CATSPER3: variants seen among roughly 807,000 people sequenced by gnomAD.
CATSPER3 encodes cation channel sperm-associated protein 3.
A neutral mutation model predicts 36.6 loss-of-function variants in CATSPER3; 23 were observed. The ratio of observed to expected loss-of-function variants is 0.63; its 90% CI spans 0.45 to 0.89. CATSPER3 has a LOEUF of 0.89. Among genes scored for constraint, CATSPER3 ranks in the 40% least tolerant of loss-of-function variants. CATSPER3 has a pLI of 0.00. For missense variants in CATSPER3, 474 were observed against 503.9 expected (o/e 0.94, Z 0.57); for synonymous variants, 172 against 184.1 (o/e 0.93, Z 0.53).
chr5:134,978,670 C>T (rs1297221028), intron 2 of CATSPER3, among the ~76,000 whole-genome samples: 1 of 151,590 alleles, frequency 6.6e-6, no homozygotes, highest in African/African-American at 2.4e-5. Flanking sequence ...AGAAATAAAA[C>T]TGTCTTTGTT....
At chr5:135,011,427 C>A in intron 7 of CATSPER3, 94 bp from the exon 8 acceptor site, 2 of 842,130 alleles carry the variant, frequency 2.4e-6, no homozygotes, top group Non-Finnish European at 4.0e-6. Flanking sequence ...TGACCCTACA[C>A]CTGTGCAGGT....
At chr5:134,991,817 C>A (rs1244319956) in intron 2 of CATSPER3, among the ~76,000 whole-genome samples, 1 of 152,104 alleles carries the variant, frequency 6.6e-6, no homozygotes, top group African/African-American at 2.4e-5. Flanking sequence ...AACATTCATG[C>A]ATCTAAGGAC....
chr5:134,985,594 A>G (rs1000584158), intron 2 of CATSPER3, among the ~76,000 whole-genome samples: 1 of 152,114 alleles, frequency 6.6e-6, no homozygotes, highest in Non-Finnish European at 1.5e-5. Flanking sequence ...CATGTAACCA[A>G]AAACCATGTG....
At chr5:134,979,948 C>CGCCCTTCCCTCCCTCCTTTCCT (rs1751729064) in intron 2 of CATSPER3, among the ~76,000 whole-genome samples, 1 of 118,066 alleles carries the variant, frequency 8.5e-6, no homozygotes, top group Non-Finnish European at 1.8e-5. Context: ...CCTCATTTCC[C>CGCCCTTCCCTCCCTCCTTTCCT]ACCCTTCCCT....
At chr5:134,995,059 G>A (rs992806627) in intron 2 of CATSPER3, among the ~76,000 whole-genome samples, 1 of 144,788 alleles carries the variant, frequency 6.9e-6, no homozygotes, top group East Asian at 2.0e-4. Flanking sequence ...CATATTAGAT[G>A]TACATATTTT....
intron 2 of CATSPER3, chr5:134,995,886 A>G (rs1751938718): frequency 6.4e-6 from 2 of 313,308 alleles, no homozygotes; most frequent in Non-Finnish European, 1.3e-5. Flanking sequence ...ACATAAGTAG[A>G]TATCTGAGTA....
chr5:134,991,212 C>G (rs1751874774), intron 2 of CATSPER3, among the ~76,000 whole-genome samples: 1 of 152,138 alleles, frequency 6.6e-6, no homozygotes, highest in South Asian at 2.1e-4. Context: ...CAATACTTTT[C>G]AAAGCAATCT....
At chr5:134,984,019 A>G (rs1751779009) in intron 2 of CATSPER3, among the ~76,000 whole-genome samples, 2 of 152,224 alleles carry the variant, frequency 1.3e-5, no homozygotes, top group Admixed American at 1.3e-4. Context: ...CAAAGCATAC[A>G]AAAACATAAA....
intron 2 of CATSPER3, among the ~76,000 whole-genome samples, chr5:134,971,447 A>C (rs957411076): frequency 6.6e-6 from 1 of 152,090 alleles, no homozygotes; most frequent in Non-Finnish European, 1.5e-5. Context: ...AAACCAGAGC[A>C]ACTAGGTAGC....
intron 7 of CATSPER3, 77 bp from the exon 8 acceptor site, chr5:135,011,444 G>C (rs150125670): frequency 1.4e-5 from 14 of 985,176 alleles, no homozygotes; most frequent in African/African-American, 8.1e-5. Context: ...AGGTGCAAAC[G>C]TGTGGTCAGT....
chr5:134,992,960 T>C (rs1456317709), intron 2 of CATSPER3, among the ~76,000 whole-genome samples: 1 of 152,226 alleles, frequency 6.6e-6, no homozygotes, highest in Non-Finnish European at 1.5e-5. Context: ...TGTGCATACA[T>C]GTTCATAGCC....
Position 134,996,510 on chromosome 5 carries a change from CGGG to C in CATSPER3, c.491_492+1del. 1 of 1,613,918 alleles carries C rather than the reference CGGG, an allele frequency of 6.2e-7. No homozygotes were observed. On this transcript the variant is annotated splice_donor_variant and coding_sequence_variant, in exon 3 of 8. Coordinates refer to ENST00000282611, the MANE Select transcript of CATSPER3 (RefSeq NM_178019.3). LOFTEE classifies it high-confidence loss of function. Reference sequence around the variant, plus strand: ...GCTTATCGGCTATAGCCAGGGCATCCGGGTGAGTGCACTGGGGGTGTCATGGTG... The same window carrying C: ...GCTTATCGGCTATAGCCAGGGCATCCTGAGTGCACTGGGGGTGTCATGGTG...
chr5:134,985,303 A>G (rs924940316), intron 2 of CATSPER3, among the ~76,000 whole-genome samples: 9 of 152,220 alleles, frequency 5.9e-5, no homozygotes, highest in African/African-American at 2.2e-4. Flanking sequence ...GGAGGGTATT[A>G]TTCTAAGTGC....
intron 2 of CATSPER3, among the ~76,000 whole-genome samples, chr5:134,971,793 G>A (rs1448454397): frequency 2.0e-5 from 3 of 152,126 alleles, no homozygotes; most frequent in Non-Finnish European, 2.9e-5. Context: ...TAAAAATTGA[G>A]CAGGTTAGAG....
chr5:134,998,309 C>T (rs1375720827), intron 3 of CATSPER3, among the ~76,000 whole-genome samples: 2 of 152,194 alleles, frequency 1.3e-5, no homozygotes, highest in African/African-American at 4.8e-5. Flanking sequence ...TTTCTTAATC[C>T]AGCCTATCAT....
At chr5:134,994,126 A>G (rs369322488) in intron 2 of CATSPER3, among the ~76,000 whole-genome samples, 1 of 152,216 alleles carries the variant, frequency 6.6e-6, no homozygotes, top group South Asian at 2.1e-4. Flanking sequence ...CTCTGTCTCA[A>G]AAAAAACTAT....
In CATSPER3 at chr5:135,009,386, T is replaced by G; in HGVS notation, c.832T>G (p.Phe278Val). 1 of 1,613,496 alleles carries G rather than the reference T, an allele frequency of 6.2e-7. No homozygotes were observed. The highest frequency in any genetic ancestry group is 8.5e-7 in the Non-Finnish European group (1 of 1,179,742). ...IMHTEDSIRK[F>V]ERELMLEQQE... ...GACTCTCTAGGACTCCATCAGAAAG[T>G]TTGAGCGAGAGCTGATGTTGGAGCA... Residue 278 changes from phenylalanine to valine, a missense_variant, in exon 6 of 8, where the codon TTT (phenylalanine) becomes GTT (valine). Transcript: ENST00000282611.
At chr5:135,009,614 A>G in intron 6 of CATSPER3, 124 bp downstream of exon 6, 2 of 54,758 alleles carry the variant, frequency 3.7e-5, no homozygotes, top group Non-Finnish European at 3.9e-5. Context: ...CTGCAGCCTT[A>G]GGTAAGACAG....
At position 134,967,910 on chromosome 5, in the gene CATSPER3, AT is replaced by A; in HGVS notation, c.-81del. On this transcript the variant is annotated 5_prime_UTR_variant, in exon 1 of 8. Coordinates refer to ENST00000282611, the MANE Select transcript of CATSPER3 (RefSeq NM_178019.3). ...GGCCCCTTCTCTGCTGCCTCTCAGA[AT>A]CCAGACGCTAAGGAAAATCCCTAAG... is the stretch of plus-strand genomic sequence containing the variant. 9.5e-7 allele frequency: 1 copy of A among 1,050,344 alleles called. No homozygotes were observed. The highest frequency in any genetic ancestry group is 2.4e-5 in the East Asian group (1 of 40,880). The allele number at this position is 1,050,344 out of a possible 1,614,324, so 65.1% of individuals were successfully genotyped here.
Sources: gnomAD v4.1 joint callset for allele counts (sites outside exome capture counted in the v4.1 genomes callset) on GRCh38, gnomAD v4.1.1 for gene constraint, MANE v1.5 for transcripts, NCBI Gene and HGNC (gene_info 2026-07-23, HGNC 2026-07-21) for gene names.